Variants in KIF16B observed in about 807,000 individuals in gnomAD.
KIF16B encodes the protein kinesin family member 16B, also known as kinesin-like protein KIF16B.
KIF16B carries 98 observed loss-of-function variants against 156.3 expected under a neutral mutation model. That is an observed-to-expected ratio of 0.63 (90% CI 0.53 to 0.74). The LOEUF is 0.74. Among genes scored for constraint, KIF16B ranks in the 30% least tolerant of loss-of-function variants. The pLI is 0.00. For synonymous variants in KIF16B, 564 were observed against 583.7 expected (o/e 0.97, Z 0.49); for missense variants, 1,421 against 1,606.5 (o/e 0.88, Z 1.97).
chr20:16,435,639 C>T (rs1276434438), intron 12 of KIF16B, among the ~76,000 whole-genome samples: 2 of 152,160 alleles, frequency 1.3e-5, no homozygotes, highest in African/African-American at 2.4e-5. Flanking sequence ...TGTTGACCGT[C>T]TACTTCAAGA....
intron 10 of KIF16B, among the ~76,000 whole-genome samples, chr20:16,501,850 G>C (rs1030118858): frequency 1.3e-4 from 20 of 152,262 alleles, no homozygotes; most frequent in Middle Eastern, 6.8e-3. Context: ...ACCCTGGAGA[G>C]AAAGGGGAGT....
At chr20:16,503,660 T>C (rs1181226487) in intron 10 of KIF16B, among the ~76,000 whole-genome samples, 1 of 152,184 alleles carries the variant, frequency 6.6e-6, no homozygotes, top group Non-Finnish European at 1.5e-5. Flanking sequence ...AAAAAAGCTA[T>C]CCTTCATTTT....
In KIF16B at chr20:16,379,216, T is replaced by G. The variant is rs754150667; in HGVS notation, c.2786A>C (p.Glu929Ala). The change falls in exon 19 of 26, where the codon GAA becomes GCA. Residue 929 changes from glutamate to alanine, a missense_variant. Coordinates refer to ENST00000354981, the MANE Select transcript of KIF16B (RefSeq NM_024704.5). ...TLLEEKQRAF[E>A]ILDRGPLSLD... is the part of the protein sequence containing the mutation. ...GCTGAGAGGGCCTCTGTCAAGAATT[T>G]CAAATGCTCTCTGCTTTTCTTCCAA... is the stretch of plus-strand genomic sequence containing the variant. The G allele has an allele frequency of 3.1e-6, 5 of 1,614,174 alleles. No individual in the cohort carries two copies. The highest frequency in any genetic ancestry group is 4.2e-6 in the Non-Finnish European group (5 of 1,180,030).
intron 20 of KIF16B, among the ~76,000 whole-genome samples, chr20:16,372,032 T>C (rs2064834994): frequency 6.6e-6 from 1 of 152,188 alleles, no homozygotes; most frequent in South Asian, 2.1e-4. Context: ...TCCACGTCCT[T>C]AGTGGAATGC....
chr20:16,478,319 A>C (rs2067876936), intron 12 of KIF16B, among the ~76,000 whole-genome samples: 1 of 152,234 alleles, frequency 6.6e-6, no homozygotes, highest in Non-Finnish European at 1.5e-5. Context: ...AGTGAATGTC[A>C]TGAGGATGTA....
At chr20:16,421,093 C>T (rs6131821) in intron 15 of KIF16B, among the ~76,000 whole-genome samples, 22 of 152,196 alleles carry the variant, frequency 1.4e-4, no homozygotes, top group Middle Eastern at 6.8e-3. Context: ...ATATAGCTAC[C>T]TAAGACCCAT....
chr20:16,287,224 A>C (rs2063235814), intron 25 of KIF16B, among the ~76,000 whole-genome samples: 1 of 152,252 alleles, frequency 6.6e-6, no homozygotes, highest in Non-Finnish European at 1.5e-5. Context: ...TCTATTTATA[A>C]TTTATGACTA....
intron 15 of KIF16B, among the ~76,000 whole-genome samples, chr20:16,412,257 G>A (rs1225957087): frequency 6.6e-6 from 1 of 151,972 alleles, no homozygotes; most frequent in Non-Finnish European, 1.5e-5. Flanking sequence ...GTGGCATAGA[G>A]GTCACAAGTG....
chr20:16,499,806 C>T (rs539984663), intron 10 of KIF16B, among the ~76,000 whole-genome samples: 1 of 152,202 alleles, frequency 6.6e-6, no homozygotes, highest in Admixed American at 6.5e-5. Context: ...TTTTTAAGCA[C>T]GTGTAAAGAA....
intron 21 of KIF16B, 57 bp from the exon 22 acceptor site, chr20:16,370,693 G>T: frequency 7.9e-7 from 1 of 1,266,014 alleles, no homozygotes. Context: ...ACGGGGCGGG[G>T]GACTGATTCG....
chr20:16,529,436 T>C (rs184280050), intron 1 of KIF16B, among the ~76,000 whole-genome samples: 25 of 152,344 alleles, frequency 1.6e-4, no homozygotes, highest in African/African-American at 5.5e-4. Context: ...TTTGACTGTA[T>C]ACTATAATGA....
chr20:16,546,362 A>G (rs1363082830), intron 1 of KIF16B, among the ~76,000 whole-genome samples: 1 of 152,218 alleles, frequency 6.6e-6, no homozygotes, highest in Admixed American at 6.5e-5. Flanking sequence ...TCGATACTCA[A>G]TCTATGTGTT....
Position 16,528,437 on chromosome 20 carries a change from T to C in KIF16B, c.51A>G (p.Glu17=), listed in dbSNP as rs545249196. ...TAATGAACTTGGCCTCCAAGTCCTT[T>C]TCCCTGCAATACAAATAATTCAGTA... The part of the protein sequence containing the change: ...AVRVRPMNRR[E]KDLEAKFIIQ... Residue 17 remains glutamate (E), a synonymous_variant, in exon 2 of 26, where the codon GAA becomes GAG. Coordinates refer to ENST00000354981, the MANE Select transcript of KIF16B (RefSeq NM_024704.5). 2.5e-6 allele frequency: 4 copies of C among 1,604,738 alleles called. No individual in the cohort carries two copies. The East Asian group carries it at 6.7e-5, about 27-fold the overall frequency.
intron 1 of KIF16B, among the ~76,000 whole-genome samples, chr20:16,565,977 C>T (rs1280801178): frequency 6.6e-6 from 1 of 152,238 alleles, no homozygotes; most frequent in Non-Finnish European, 1.5e-5. Context: ...CGTTCCTACA[C>T]AAACAGGAAA....
chr20:16,273,291 T>C lies in KIF16B; in HGVS notation c.3916A>G (p.Lys1306Glu). ...TGGCTGCTGTAGTCAAAGACTCCTT[T>C]CTTGAAGAATGGTGAAAACTCACAA... ...TICEFSPFFK[K>E]GVFDYSSHGT... Residue 1306 changes from lysine (K) to glutamate (E), a missense_variant, in exon 26 of 26, where the codon AAA becomes GAA. Transcript: ENST00000354981. The C allele has an allele frequency of 6.2e-7, 1 of 1,614,084 alleles. No homozygotes were observed. Among genetic ancestry groups the C allele is most frequent in the Non-Finnish European group, 8.5e-7 (1 of 1,179,954 alleles).
intron 15 of KIF16B, among the ~76,000 whole-genome samples, chr20:16,418,157 T>C (rs566325737): frequency 3.3e-5 from 5 of 150,254 alleles, no homozygotes; most frequent in Admixed American, 1.3e-4. Flanking sequence ...TCAAGAAAAA[T>C]AGATGTGATG....
rs185546053 is a variant in KIF16B at position 16,341,487 on chromosome 20, G to A, written c.3622-5472C>T. Among the ~76,000 whole-genome samples the A allele has an allele frequency of 7.1e-3, 1,079 of 152,168 alleles. 6 individuals are homozygous for A. Among genetic ancestry groups the A allele is most frequent in the Non-Finnish European group, 0.013 (866 of 68,012 alleles). ...ACCATTAACCCTGTGTATATAATAC[G>A]GTCTCAAAAATGATGAACAATGAAA... On this transcript the variant is annotated intron_variant, in intron 23 of 25. Transcript: ENST00000354981.
chr20:16,448,329 C>G (rs760017323), intron 12 of KIF16B, among the ~76,000 whole-genome samples: 7 of 151,934 alleles, frequency 4.6e-5, no homozygotes, highest in Non-Finnish European at 7.4e-5. Context: ...GATGCTTCCA[C>G]GTATTATGGA....
chr20:16,470,295 T>A (rs1162303333), intron 12 of KIF16B, among the ~76,000 whole-genome samples: 1 of 152,206 alleles, frequency 6.6e-6, no homozygotes, highest in Non-Finnish European at 1.5e-5. Context: ...ATTCATAGAC[T>A]GTACAACACC....
Sources: gnomAD v4.1 joint callset for allele counts (sites outside exome capture counted in the v4.1 genomes callset) on GRCh38, gnomAD v4.1.1 for gene constraint, MANE v1.5 for transcripts, NCBI Gene and HGNC (gene_info 2026-07-23, HGNC 2026-07-21) for gene names.